Variants in TMEM178B observed in about 807,000 individuals in gnomAD.
The protein encoded by TMEM178B is transmembrane protein 178B.
In TMEM178B, 5 loss-of-function variants were observed where a neutral mutation model predicts 31.0. That is an observed-to-expected ratio of 0.16 (90% confidence interval 0.08 to 0.34). TMEM178B has a LOEUF of 0.34. TMEM178B is among the 10% of genes least tolerant of loss of function. The pLI is 1.00. For missense variants in TMEM178B, 275 were observed against 400.3 expected (o/e 0.69, Z 2.67); for synonymous variants, 164 against 164.0 (o/e 1.00, Z 0.00).
chr7:141,283,064 C>T (rs1203255537), intron 2 of TMEM178B, among the ~76,000 whole-genome samples: 2 of 152,270 alleles, frequency 1.3e-5, no homozygotes, highest in African/African-American at 4.8e-5. Flanking sequence ...CCCGTTTTGG[C>T]ACTGAAGAAC....
intron 2 of TMEM178B, among the ~76,000 whole-genome samples, chr7:141,427,416 C>G (rs1000786652): frequency 6.6e-6 from 1 of 152,166 alleles, no homozygotes; most frequent in African/African-American, 2.4e-5. Flanking sequence ...TTACAGCCAA[C>G]TGATTTTCAA....
the TMEM178B span, among the ~76,000 whole-genome samples, chr7:141,485,720 A>G: frequency 1.3e-5 from 2 of 152,184 alleles, no homozygotes; most frequent in Admixed American, 6.5e-5. Flanking sequence ...ATCTGGAGTT[A>G]GTGGGGAAGG....
intron 2 of TMEM178B, among the ~76,000 whole-genome samples, chr7:141,387,038 C>G (rs891081804): frequency 2.2e-4 from 33 of 152,066 alleles, no homozygotes; most frequent in African/African-American, 7.7e-4. Context: ...TTATGAGGGT[C>G]CAGTGGTGGA....
intron 1 of TMEM178B, among the ~76,000 whole-genome samples, chr7:141,095,842 C>T (rs1794950918): frequency 6.6e-6 from 1 of 152,176 alleles, no homozygotes; most frequent in African/African-American, 2.4e-5. Context: ...GATCTTTCAA[C>T]CACTGCACTC....
intron 1 of TMEM178B, among the ~76,000 whole-genome samples, chr7:141,100,259 C>A (rs569134472): frequency 6.6e-6 from 1 of 151,432 alleles, no homozygotes; most frequent in Non-Finnish European, 1.5e-5. Flanking sequence ...TTTGGTTGGG[C>A]CACGTATTCT....
intron 2 of TMEM178B, among the ~76,000 whole-genome samples, chr7:141,389,228 C>T (rs1418539738): frequency 6.6e-6 from 1 of 152,220 alleles, no homozygotes; most frequent in Non-Finnish European, 1.5e-5. Flanking sequence ...TAGTAAAAAA[C>T]ACGTAGCTAT....
At chr7:141,296,989 T>C (rs913994018) in intron 2 of TMEM178B, 3 of 152,250 alleles carry the variant, frequency 2.0e-5, no homozygotes, top group Non-Finnish European at 2.9e-5. Flanking sequence ...TTCTTAGTTC[T>C]ATTTGTTTTC....
At chr7:141,437,587 T>C (rs1801570055) in intron 2 of TMEM178B, 21 bp from the exon 3 acceptor site, 12 of 1,535,600 alleles carry the variant, frequency 7.8e-6, no homozygotes, top group Non-Finnish European at 1.0e-5. Context: ...TGCTGACTGT[T>C]GCTCGCCTGC....
intron 2 of TMEM178B, among the ~76,000 whole-genome samples, chr7:141,272,916 A>G (rs1187144316): frequency 1.3e-5 from 2 of 152,234 alleles, no homozygotes; most frequent in Non-Finnish European, 2.9e-5. Context: ...AGATATCCAC[A>G]CTTCCATTTT....
At chr7:141,445,868 G>C (rs1306478128) in intron 3 of TMEM178B, among the ~76,000 whole-genome samples, 2 of 152,176 alleles carry the variant, frequency 1.3e-5, no homozygotes, top group African/African-American at 4.8e-5. Context: ...GATTTCACTA[G>C]AACATCACAA....
At chr7:141,161,150 C>T (rs541685153) in intron 1 of TMEM178B, among the ~76,000 whole-genome samples, 4 of 152,144 alleles carry the variant, frequency 2.6e-5, no homozygotes, top group Admixed American at 1.3e-4. Context: ...CCACTGCGCC[C>T]GGCCTGGATT....
chr7:141,074,682 C>G lies in TMEM178B; in HGVS notation c.372C>G (p.Leu124=), dbSNP rs751615727. Residue 124 remains leucine (L), a synonymous_variant, in exon 1 of 4, where the codon CTC becomes CTG. Coordinates refer to ENST00000565468, the MANE Select transcript of TMEM178B (RefSeq NM_001195278.2). The surrounding 1 kb of genome is among the most constrained non-coding windows in gnomAD (Gnocchi z 5.1). ...RQGFDPEIAA[L]IRKGEIERCT... Reference sequence around the variant, plus strand: ...GCTTCGACCCCGAGATCGCCGCCCTCATTCGGAAAGGTAAGCGCCGGGCGC... The same window carrying G: ...GCTTCGACCCCGAGATCGCCGCCCTGATTCGGAAAGGTAAGCGCCGGGCGC... 2.0e-6 allele frequency: 3 copies of G among 1,503,678 alleles called. No individual in the cohort carries two copies. The South Asian group carries it at 3.7e-5, about 19-fold the overall frequency. The allele number at this position is 1,503,678 out of a possible 1,614,324, so 93.1% of individuals were successfully genotyped here.
chr7:141,511,134 T>C, the TMEM178B span, among the ~76,000 whole-genome samples: 2 of 151,612 alleles, frequency 1.3e-5, no homozygotes, highest in South Asian at 4.2e-4. Context: ...GGATGGAGTT[T>C]GGCAGTGAGG....
chr7:141,074,683 A>C lies in TMEM178B; in HGVS notation c.373A>C (p.Ile125Leu). Residue 125 changes from isoleucine to leucine, a missense_variant, in exon 1 of 4, where the codon ATT (isoleucine) becomes CTT (leucine). By Grantham distance (5) the Ile-to-Leu change is conservative. Coordinates refer to ENST00000565468, the MANE Select transcript of TMEM178B (RefSeq NM_001195278.2). The surrounding 1 kb of genome is among the most constrained non-coding windows in gnomAD (Gnocchi z 5.1). ...QGFDPEIAAL[I>L]RKGEIERCTY... ...CTTCGACCCCGAGATCGCCGCCCTC[A>C]TTCGGAAAGGTAAGCGCCGGGCGCA... 6.7e-7 allele frequency: 1 copy of C among 1,503,236 alleles called. No homozygotes were observed. Among genetic ancestry groups the C allele is most frequent in the South Asian group, 1.2e-5 (1 of 80,040 alleles). 93.1% of individuals were successfully genotyped at this position (1,503,236 alleles called of 1,614,324 possible). A position where few individuals can be genotyped will look rare whatever the true frequency, so the allele number is the denominator to read the frequency against.
chr7:141,506,694 C>T, the TMEM178B span, among the ~76,000 whole-genome samples: 1 of 152,154 alleles, frequency 6.6e-6, no homozygotes, highest in African/African-American at 2.4e-5. Context: ...CCTCACATTT[C>T]AAAACCAATC....
intron 1 of TMEM178B, among the ~76,000 whole-genome samples, chr7:141,167,592 A>G (rs1796282732): frequency 6.6e-6 from 1 of 152,184 alleles, no homozygotes; most frequent in Non-Finnish European, 1.5e-5. Flanking sequence ...CGTCCCTTTG[A>G]TCACAGCCCA....
intron 2 of TMEM178B, among the ~76,000 whole-genome samples, chr7:141,238,194 C>T (rs1279323062): frequency 2.6e-5 from 4 of 151,904 alleles, no homozygotes; most frequent in East Asian, 1.9e-4. Context: ...GCTCAGAGTC[C>T]GGGGAGTAGG....
intron 3 of TMEM178B, among the ~76,000 whole-genome samples, chr7:141,442,992 C>A (rs1801688892): frequency 6.6e-6 from 1 of 152,190 alleles, no homozygotes; most frequent in Non-Finnish European, 1.5e-5. Context: ...TCCAAGATCA[C>A]AATGTTGGCA....
chr7:141,138,100 C>T (rs1052582652), intron 1 of TMEM178B, among the ~76,000 whole-genome samples: 4 of 149,086 alleles, frequency 2.7e-5, no homozygotes, highest in East Asian at 2.0e-4. Context: ...CTCGCTCAGT[C>T]GCCCAGGCTG....
Sources: gnomAD v4.1 joint callset for allele counts (sites outside exome capture counted in the v4.1 genomes callset) on GRCh38, gnomAD v4.1.1 for gene constraint, Gnocchi (gnomAD v3.1) non-coding constraint, MANE v1.5 for transcripts, NCBI Gene and HGNC (gene_info 2026-07-23, HGNC 2026-07-21) for gene names.